EDARADD: variants seen among roughly 807,000 people sequenced by gnomAD.
EDARADD encodes ectodysplasin-A receptor-associated adapter protein.
A neutral mutation model predicts 25.6 loss-of-function variants in EDARADD; 20 were observed. The ratio of observed to expected loss-of-function variants is 0.78; its 90% CI spans 0.55 to 1.14. The LOEUF (loss-of-function observed/expected upper bound fraction) is 1.14, where lower values mean the gene tolerates loss of function less well. Among genes scored for constraint, EDARADD ranks in the 50% most tolerant of loss-of-function variants. The pLI is 0.00. For missense variants in EDARADD, 225 were observed against 270.1 expected (o/e 0.83, Z 1.17); for synonymous variants, 86 against 94.4 (o/e 0.91, Z 0.52).
At chr1:236,404,112 G>T (rs1180555476) in intron 1 of EDARADD, among the ~76,000 whole-genome samples, 2 of 152,180 alleles carry the variant, frequency 1.3e-5, no homozygotes, top group African/African-American at 4.8e-5. Flanking sequence ...GGCTCACGTG[G>T]CCCCGCTTCT....
chr1:236,378,888 T>C (rs1667260039), intron 3 of EDARADD, among the ~76,000 whole-genome samples: 1 of 152,156 alleles, frequency 6.6e-6, no homozygotes, highest in Non-Finnish European at 1.5e-5. Context: ...AGATCCATAA[T>C]CCTCAATCCC....
chr1:236,363,000 A>ATATATATATATATAT (rs1158321993), intron 3 of EDARADD, among the ~76,000 whole-genome samples: 28 of 57,238 alleles, frequency 4.9e-4, no homozygotes, highest in Non-Finnish European at 7.0e-4. Flanking sequence ...AAAAAAAAAA[A>ATATATATATATATAT]AAAAAAATAT....
chr1:236,400,662 C>T (rs2103003080), intron 1 of EDARADD, among the ~76,000 whole-genome samples: 1 of 152,100 alleles, frequency 6.6e-6, no homozygotes, highest in East Asian at 1.9e-4. Context: ...TCAAGCAATC[C>T]TCCCACCTCA....
At chr1:236,438,654 A>G (rs957984425) in intron 4 of EDARADD, among the ~76,000 whole-genome samples, 1 of 152,076 alleles carries the variant, frequency 6.6e-6, no homozygotes. Flanking sequence ...TCCGTAGTTG[A>G]TTCTTTTATT....
chr1:236,420,718 A>C (rs1558118289), intron 3 of EDARADD, among the ~76,000 whole-genome samples: 1 of 152,160 alleles, frequency 6.6e-6, no homozygotes, highest in African/African-American at 2.4e-5. Context: ...AACACACTGG[A>C]ATTTGATATC....
intron 1 of EDARADD, among the ~76,000 whole-genome samples, chr1:236,397,787 C>G (rs1010133363): frequency 1.3e-5 from 2 of 152,122 alleles, no homozygotes; most frequent in African/African-American, 4.8e-5. Context: ...TGTCCATTCC[C>G]GCTCTGGGAC....
At chr1:236,434,624 A>G (rs756682628) in intron 4 of EDARADD, among the ~76,000 whole-genome samples, 15 of 152,090 alleles carry the variant, frequency 9.9e-5, no homozygotes, top group Admixed American at 3.9e-4. Flanking sequence ...TCTTCTTCCA[A>G]TGTGGCCCAG....
At chr1:236,414,733 C>T (rs1002172091) in intron 3 of EDARADD, among the ~76,000 whole-genome samples, 2 of 151,874 alleles carry the variant, frequency 1.3e-5, no homozygotes, top group East Asian at 1.9e-4. Context: ...ATGGTGTGGG[C>T]GTGGTGGCAG....
In EDARADD at chr1:236,483,363, G is replaced by A. The variant is rs2103043229; in HGVS notation, c.*714G>A. 2.0e-6 allele frequency: 3 copies of A among 1,527,126 alleles called. No individual in the cohort carries two copies. Among genetic ancestry groups the A allele is most frequent in the East Asian group, 4.5e-5 (2 of 44,376 alleles). 94.6% of individuals were successfully genotyped at this position (1,527,126 alleles called of 1,614,324 possible). A position where few individuals can be genotyped will look rare whatever the true frequency, so the allele number is the denominator to read the frequency against. ...GGGGAAGGGTGTCTCAAAGCCTGTT[G>A]AGCCCATCAATAAAACTATTGCACC... On this transcript the variant is annotated 3_prime_UTR_variant, in exon 6 of 6. Coordinates refer to ENST00000334232, the MANE Select transcript of EDARADD (RefSeq NM_145861.4).
In EDARADD at chr1:236,484,495, C is replaced by G; in HGVS notation, c.*1846C>G. 1 of 1,581,716 alleles carries G rather than the reference C, an allele frequency of 6.3e-7. No homozygotes were observed. Among genetic ancestry groups the G allele is most frequent in the Non-Finnish European group, 8.7e-7 (1 of 1,155,494 alleles). ...GCTGTGGGCAGGCAAGCCCTTCAGT[C>G]ACCTGGTGGCTAATTAGACCCCTCC... On this transcript the variant is annotated 3_prime_UTR_variant, in exon 6 of 6. Transcript: ENST00000334232. The surrounding 1 kb of genome is among the most constrained non-coding windows in gnomAD (Gnocchi z 4.1).
Position 236,483,631 on chromosome 1 carries a change from G to A in EDARADD, c.*982G>A, listed in dbSNP as rs1659747713. On this transcript the variant is annotated 3_prime_UTR_variant, in exon 6 of 6. Coordinates refer to ENST00000334232, the MANE Select transcript of EDARADD (RefSeq NM_145861.4). ...CCGGTGTTCAATGTCATCAATGGCA[G>A]TTCTCATGCTGTCACCAAGCTGGCC... 6.4e-7 allele frequency: 1 copy of A among 1,562,506 alleles called. No homozygotes were observed. Among genetic ancestry groups the A allele is most frequent in the Non-Finnish European group, 8.8e-7 (1 of 1,135,130 alleles).
rs1659769041 is a variant in EDARADD at position 236,484,297 on chromosome 1, A to G, written c.*1648A>G. 1.8e-6 allele frequency: 2 copies of G among 1,090,654 alleles called. No homozygotes were observed. 67.6% of individuals were successfully genotyped at this position (1,090,654 alleles called of 1,614,324 possible). On this transcript the variant is annotated 3_prime_UTR_variant, in exon 6 of 6. Coordinates refer to ENST00000334232, the MANE Select transcript of EDARADD (RefSeq NM_145861.4). This position sits in a 1 kb window ranked among gnomAD's most constrained non-coding sequence, Gnocchi z 4.1. The stretch of plus-strand genomic sequence containing the variant: ...CCTCATCATTCTGGGGAGACTGAAA[A>G]TACCTTCATCACTGACCTGGTGGTG...
chr1:236,421,408 G>A lies in EDARADD; in HGVS notation c.161-5984G>A, dbSNP rs550625313. Among the ~76,000 whole-genome samples the A allele has an allele frequency of 3.5e-5, 5 of 144,718 alleles. 2 individuals are homozygous for A. Among genetic ancestry groups the A allele is most frequent in the African/African-American group, 1.3e-4 (5 of 39,702 alleles). The allele number at this position is 144,718 out of a possible 152,430, so 94.9% of individuals were successfully genotyped here. The stretch of plus-strand genomic sequence containing the variant: ...GTGCGTGGTCCCCTTGGTAAGGGGC[G>A]TTGTTTGGCTAGGGGACTTTGGCCA... On this transcript the variant is annotated intron_variant, in intron 3 of 5. Coordinates refer to ENST00000334232, the MANE Select transcript of EDARADD (RefSeq NM_145861.4).
chr1:236,428,937 A>C (rs977130274), intron 4 of EDARADD, among the ~76,000 whole-genome samples: 15 of 152,084 alleles, frequency 9.9e-5, no homozygotes, highest in Non-Finnish European at 1.8e-4. Flanking sequence ...AGCTGGAGAC[A>C]CGCCCGGCCA....
At position 236,395,145 on chromosome 1, in the gene EDARADD, A is replaced by AG. The variant is rs1489391592; in HGVS notation, c.61+643dup. Reference sequence around the variant, plus strand: ...TGGTGTCTCAGCTGAGGGCGTGAGTAGGGAGCCAGGAAAGCGACCCGCGAC... The same window carrying AG: ...TGGTGTCTCAGCTGAGGGCGTGAGTAGGGGAGCCAGGAAAGCGACCCGCGAC... On this transcript the variant is annotated intron_variant, in intron 1 of 5. Coordinates refer to ENST00000334232, the MANE Select transcript of EDARADD (RefSeq NM_145861.4). The surrounding 1 kb of genome is among the most constrained non-coding windows in gnomAD (Gnocchi z 6.9). Among the ~76,000 whole-genome samples, 2 of 152,196 alleles carry AG rather than the reference A, an allele frequency of 1.3e-5. No homozygotes were observed. Among genetic ancestry groups the AG allele is most frequent in the East Asian group, 1.9e-4 (1 of 5,180 alleles).
intron 5 of EDARADD, among the ~76,000 whole-genome samples, chr1:236,468,693 T>C (rs902640001): frequency 3.3e-5 from 5 of 152,232 alleles, no homozygotes; most frequent in African/African-American, 4.8e-5. Flanking sequence ...TACTGCAGAA[T>C]AGAGCAACTT....
At position 236,476,653 on chromosome 1, in the gene EDARADD, GTAGCTGGGAT is replaced by G. The variant is rs112533378; in HGVS notation, c.266-5611_266-5602del. Among the ~76,000 whole-genome samples the G allele has an allele frequency of 6.7e-3, 1,020 of 151,990 alleles. 15 individuals are homozygous for G. The highest frequency in any genetic ancestry group is 0.022 in the African/African-American group (932 of 41,458). ...CAATTCTCCTGCCTCAGCCTCCCAAGTAGCTGGGATTACAGGCATGTGCCACCACACCCGG... is the reference window on the plus strand; with the variant it reads ...CAATTCTCCTGCCTCAGCCTCCCAAGTACAGGCATGTGCCACCACACCCGG... On this transcript the variant is annotated intron_variant, in intron 5 of 5. Transcript: ENST00000334232.
intron 5 of EDARADD, among the ~76,000 whole-genome samples, chr1:236,479,124 T>C (rs1473389251): frequency 6.6e-6 from 1 of 151,748 alleles, no homozygotes; most frequent in Non-Finnish European, 1.5e-5. Flanking sequence ...ATGAACTTAC[T>C]CATGTAACCA....
At chr1:236,462,643 A>G (rs1046530312) in intron 4 of EDARADD, among the ~76,000 whole-genome samples, 1 of 152,142 alleles carries the variant, frequency 6.6e-6, no homozygotes, top group Non-Finnish European at 1.5e-5. Context: ...CTTAGTACCC[A>G]GAGCTTTCAG....
Sources: allele counts gnomAD v4.1 joint callset (sites outside exome capture counted in the v4.1 genomes callset), GRCh38; gene constraint gnomAD v4.1.1; non-coding constraint Gnocchi (gnomAD v3.1); transcripts MANE v1.5; gene names NCBI Gene and HGNC (gene_info 2026-07-23, HGNC 2026-07-21).